The following LETM2 variants were observed in gnomAD, a reference collection of about 807,000 sequenced individuals.
LETM2 encodes the protein LETM1 domain-containing protein LETM2, mitochondrial.
In LETM2, 58 loss-of-function variants were observed where a neutral mutation model predicts 59.6. That is an observed-to-expected ratio of 0.97 (90% CI 0.79 to 1.21). The LOEUF is 1.21. Ranked by LOEUF, LETM2 falls within the 50% of genes most tolerant of loss-of-function variation. LETM2 has a pLI of 0.00. For synonymous variants in LETM2, 199 were observed against 214.1 expected, an observed-to-expected ratio of 0.93 and a Z score of 0.62; for missense variants, 572 against 575.7, an observed-to-expected ratio of 0.99 and a Z score of 0.07.
chr8:38,401,517 C>A (rs2016875), intron 6 of LETM2: 34,597 of 173,038 alleles, frequency 0.2, 3,839 homozygotes, highest in East Asian at 0.3. Flanking sequence ...ACCATGACAA[C>A]CTGAACCTTG....
intron 4 of LETM2, among the ~76,000 whole-genome samples, chr8:38,395,942 A>T (rs1310454652): frequency 6.6e-6 from 1 of 152,122 alleles, no homozygotes; most frequent in Non-Finnish European, 1.5e-5. Context: ...TCTGTGGCTT[A>T]TCTTTTCATT....
chr8:38,409,153 T>TA lies in LETM2; in HGVS notation c.*881dup, dbSNP rs1054835203. 2 of 152,182 alleles carry TA rather than the reference T, an allele frequency of 1.3e-5. No homozygotes were observed. The highest frequency in any genetic ancestry group is 2.9e-5 in the Non-Finnish European group (2 of 68,024). The allele number at this position is 152,182 out of a possible 1,614,324, so 9.4% of individuals were successfully genotyped here. A position where few individuals can be genotyped will look rare whatever the true frequency, so the allele number is the denominator to read the frequency against. ...TGTTTTCAGTATTAATAATATGAAA[T>TA]AATAGATAGACTGCCATGCAGCTGA... On this transcript the variant is annotated 3_prime_UTR_variant, in exon 11 of 11. Transcript: ENST00000379957.
At chr8:38,400,641 CAGT>C in intron 5 of LETM2, 1 of 656,282 alleles carries the variant, frequency 1.5e-6, no homozygotes, top group Non-Finnish European at 2.5e-6. Context: ...TTGGAGAGAA[CAGT>C]AGATTTAGAG....
chr8:38,394,233 T>C lies in LETM2; in HGVS notation c.637T>C (p.Ser213Pro), dbSNP rs753535533. 1.2e-4 allele frequency: 173 copies of C among 1,469,482 alleles called. 1 individual carries two copies. Among genetic ancestry groups the C allele is most frequent in the African/African-American group, 1.1e-3 (74 of 70,184 alleles). 91.0% of individuals were successfully genotyped at this position (1,469,482 alleles called of 1,614,324 possible). The change falls in exon 4 of 11, where the codon TCC becomes CCC. Residue 213 changes from serine to proline, a missense_variant. Transcript: ENST00000379957. ...EMLPSTFESE[S>P]KKEEKQKKKM... ...GTTGCCATCAACTTTTGAAAGTGAA[T>C]CCAAAAAGGTATGATTTTTTAACTT... is the stretch of plus-strand genomic sequence containing the variant.
rs1014929318 is a variant in LETM2, at chr8:38,402,787, C to G, written c.1104+143C>G. 51 of 781,270 alleles carry G rather than the reference C, an allele frequency of 6.5e-5. No homozygotes were observed. In the East Asian group the frequency reaches 1.4e-3, roughly 21 times the overall value. The allele number at this position is 781,270 out of a possible 1,614,324, so 48.4% of individuals were successfully genotyped here. A position where few individuals can be genotyped will look rare whatever the true frequency, so the allele number is the denominator to read the frequency against. ...CATTGAGCAGTGGGATGCTGAAGGA[C>G]TAGGTTGATTTTTCACTTTGATTGG... On this transcript the variant is annotated intron_variant, in intron 7 of 10. Coordinates refer to ENST00000379957, the MANE Select transcript of LETM2 (RefSeq NM_001286819.2).
At chr8:38,404,172 G>C (rs1054232221) in intron 7 of LETM2, among the ~76,000 whole-genome samples, 3 of 151,774 alleles carry the variant, frequency 2.0e-5, no homozygotes, top group Admixed American at 1.3e-4. Flanking sequence ...CTCCCTCTCT[G>C]AGAGTGATTC....
intron 7 of LETM2, among the ~76,000 whole-genome samples, 187 bp downstream of exon 7, chr8:38,402,831 A>G (rs948182960): frequency 2.6e-5 from 4 of 152,182 alleles, no homozygotes; most frequent in Non-Finnish European, 5.9e-5. Flanking sequence ...TCAGTTTTGT[A>G]TTGCTGCCTA....
At chr8:38,399,416 A>G (rs569165191) in intron 4 of LETM2, among the ~76,000 whole-genome samples, 18 of 152,304 alleles carry the variant, frequency 1.2e-4, no homozygotes, top group Non-Finnish European at 8.8e-5. Context: ...TTTGTAAAGA[A>G]AAACCCAGGG....
chr8:38,392,520 A>C (rs1290029362), intron 2 of LETM2, 22 bp from the exon 3 acceptor site: 1 of 1,423,788 alleles, frequency 7.0e-7, no homozygotes, highest in African/African-American at 1.4e-5. Flanking sequence ...CTTAACTCAG[A>C]GGATGTTGCT....
In LETM2 at chr8:38,392,829, G is replaced by T; in HGVS notation, c.335G>T (p.Gly112Val). 2 of 1,614,078 alleles carry T rather than the reference G, an allele frequency of 1.2e-6. No individual in the cohort carries two copies. The highest frequency in any genetic ancestry group is 1.3e-5 in the African/African-American group (1 of 75,038). Residue 112 changes from glycine (G) to valine (V), a missense_variant, in exon 3 of 11, where the codon GGC (glycine) becomes GTC (valine). Transcript: ENST00000379957. ...VTSPQATKETGMEIKEGKQSY... is the reference protein window; with the variant it reads ...VTSPQATKETVMEIKEGKQSY... ...AGCCCTCAGGCCACAAAAGAAACTG[G>T]CATGGAGATTAAAGAAGGCAAACAA...
chr8:38,400,588 C>A (rs1813115469), intron 5 of LETM2, 179 bp downstream of exon 5: 2 of 689,322 alleles, frequency 2.9e-6, no homozygotes, highest in Non-Finnish European at 2.3e-6. Flanking sequence ...TGCAGAAAAG[C>A]CTGTCTTAAA....
chr8:38,384,900 C>T (rs1284193731), upstream of LETM2, among the ~76,000 whole-genome samples: 1 of 152,202 alleles, frequency 6.6e-6, no homozygotes. Flanking sequence ...TCCCAGGGAA[C>T]TGAAAATATT....
At chr8:38,384,261 C>T (rs1299034347), upstream of LETM2, among the ~76,000 whole-genome samples, 1 of 152,078 alleles carries the variant, frequency 6.6e-6, no homozygotes, top group Non-Finnish European at 1.5e-5. Context: ...AGTAAATTGT[C>T]CCCAGGGATC....
In LETM2 at chr8:38,408,292, G is replaced by C. The variant is rs1394635159; in HGVS notation, c.*18G>C. ...GAGCATAAAGGACTACTTGAGGATG[G>C]AGCTCACTCTCTTCAGCTTCCGGCC... On this transcript the variant is annotated 3_prime_UTR_variant, in exon 11 of 11. Coordinates refer to ENST00000379957, the MANE Select transcript of LETM2 (RefSeq NM_001286819.2). 4 of 1,606,964 alleles carry C rather than the reference G, an allele frequency of 2.5e-6. No homozygotes were observed. The African/African-American group carries it at 4.0e-5, about 16-fold the overall frequency.
intron 2 of LETM2, among the ~76,000 whole-genome samples, chr8:38,391,615 C>T (rs967365126): frequency 6.6e-6 from 1 of 151,788 alleles, no homozygotes; most frequent in Non-Finnish European, 1.5e-5. Flanking sequence ...CTCAAACAAT[C>T]TGATATGGTA....
At chr8:38,390,870 AT>A (rs1812187606) in intron 2 of LETM2, among the ~76,000 whole-genome samples, 1 of 151,150 alleles carries the variant, frequency 6.6e-6, no homozygotes, top group Non-Finnish European at 1.5e-5. Context: ...TTTGGTAGAG[AT>A]GGGGTTTCAC....
At chr8:38,386,316 C>G (rs1811771698), upstream of LETM2, 1 of 152,238 alleles carries the variant, frequency 6.6e-6, no homozygotes, top group Non-Finnish European at 1.5e-5. Flanking sequence ...CGCCTTAAAC[C>G]AAGCCCCACA....
intron 7 of LETM2, among the ~76,000 whole-genome samples, chr8:38,403,238 A>G (rs532184288): frequency 1.3e-5 from 2 of 152,260 alleles, no homozygotes; most frequent in Admixed American, 6.5e-5. Context: ...CTTAAGGTCA[A>G]CCGACTTGGG....
In LETM2 at chr8:38,399,703, G is replaced by A. The variant is rs543914424; in HGVS notation, c.646-569G>A. 2.6e-5 allele frequency among the ~76,000 whole-genome samples: 4 copies of A among 151,696 alleles called. 1 individual carries two copies. Among genetic ancestry groups the A allele is most frequent in the East Asian group, 3.9e-4 (2 of 5,154 alleles). On this transcript the variant is annotated intron_variant, in intron 4 of 10. Transcript: ENST00000379957. ...TGAGGCAGGAGAATCACTTGAACCC[G>A]GGAGAGAGAGGTTGCAGTGAGTCAA...
Sources: gnomAD v4.1 joint callset for allele counts (sites outside exome capture counted in the v4.1 genomes callset) on GRCh38, gnomAD v4.1.1 for gene constraint, MANE v1.5 for transcripts, NCBI Gene and HGNC (gene_info 2026-07-23, HGNC 2026-07-21) for gene names.